Variants in SLC6A15 observed in about 807,000 individuals in gnomAD.
SLC6A15 encodes solute carrier family 6 member 15.
In SLC6A15, 33 loss-of-function variants were observed where a neutral mutation model predicts 68.5. The observed-to-expected ratio is 0.48, with a 90% confidence interval of 0.37 to 0.64. SLC6A15 has a LOEUF of 0.64. Ranked by LOEUF, SLC6A15 falls within the 30% of genes least tolerant of loss-of-function variation. The pLI is 0.00. For synonymous variants in SLC6A15, 347 were observed against 301.0 expected, an observed-to-expected ratio of 1.15 and a Z score of -1.58; for missense variants, 747 against 874.3, an observed-to-expected ratio of 0.85 and a Z score of 1.84.
chr12:84,861,565 TCTC>T lies in SLC6A15; in HGVS notation c.*64_*66del. On this transcript the variant is annotated 3_prime_UTR_variant, in exon 12 of 12. Coordinates refer to ENST00000266682, the MANE Select transcript of SLC6A15 (RefSeq NM_182767.6). The stretch of plus-strand genomic sequence containing the variant: ...CCTCTGATAAGTGAAGCCTAATGCT[TCTC>T]CTACTAGGGCCAATGTTCATTGGTA... 6.6e-7 allele frequency: 1 copy of T among 1,517,232 alleles called. No homozygotes were observed. Among genetic ancestry groups the T allele is most frequent in the Non-Finnish European group, 8.9e-7 (1 of 1,129,658 alleles). The allele number at this position is 1,517,232 out of a possible 1,614,324, so 94.0% of individuals were successfully genotyped here. A position where few individuals can be genotyped will look rare whatever the true frequency, so the allele number is the denominator to read the frequency against.
intron 11 of SLC6A15, 57 bp downstream of exon 11, chr12:84,863,382 T>C (rs1318124122): frequency 4.3e-6 from 6 of 1,388,432 alleles, no homozygotes; most frequent in Non-Finnish European, 4.8e-6. Context: ...GAAAAAGCCC[T>C]CTAAAAAAGC....
At chr12:84,882,665 CA>C (rs1054721768) in intron 5 of SLC6A15, 7 of 186,010 alleles carry the variant, frequency 3.8e-5, no homozygotes, top group African/African-American at 1.7e-4. Context: ...CATTTGACTC[CA>C]AATACTAGAA....
At chr12:84,872,390 T>G (rs560718747) in intron 8 of SLC6A15, among the ~76,000 whole-genome samples, 22 of 152,244 alleles carry the variant, frequency 1.4e-4, no homozygotes, top group African/African-American at 5.1e-4. Context: ...AATAACTTTT[T>G]AAAATAAAGC....
chr12:84,906,221 G>A (rs1242827674), intron 1 of SLC6A15, among the ~76,000 whole-genome samples: 4 of 152,100 alleles, frequency 2.6e-5, no homozygotes, highest in East Asian at 1.9e-4. Flanking sequence ...ATAATTACAC[G>A]AAAATGTAAC....
chr12:84,907,333 G>C (rs961864540), intron 1 of SLC6A15, among the ~76,000 whole-genome samples: 2 of 151,670 alleles, frequency 1.3e-5, no homozygotes, highest in Admixed American at 1.3e-4. Context: ...GGGCCACAGA[G>C]GGAGACTCCG....
rs559476057 is a variant in SLC6A15 at position 84,888,130 on chromosome 12, C to T, written c.290-2062G>A. Among the ~76,000 whole-genome samples the T allele has an allele frequency of 3.2e-4, 48 of 150,426 alleles. No homozygotes were observed. The East Asian group carries it at 6.7e-3, about 21-fold the overall frequency. On this transcript the variant is annotated intron_variant, in intron 2 of 11. Transcript: ENST00000266682. ...AAAAAACAGCTGAGCGTGGGCTGCG[C>T]GCCTGTGGTCCCAGCTACTCGGAAG...
chr12:84,893,907 C>T (rs1018008433), intron 1 of SLC6A15, among the ~76,000 whole-genome samples: 1 of 151,978 alleles, frequency 6.6e-6, no homozygotes, highest in African/African-American at 2.4e-5. Context: ...GATGCATTCC[C>T]AAAATATTTT....
At chr12:84,889,006 C>G (rs1442921912) in intron 2 of SLC6A15, among the ~76,000 whole-genome samples, 1 of 152,170 alleles carries the variant, frequency 6.6e-6, no homozygotes, top group Non-Finnish European at 1.5e-5. Flanking sequence ...TCTCCCTTCT[C>G]CCTTGAAGAT....
intron 1 of SLC6A15, among the ~76,000 whole-genome samples, chr12:84,909,148 T>C (rs1269373964): frequency 6.6e-6 from 1 of 152,174 alleles, no homozygotes; most frequent in African/African-American, 2.4e-5. Flanking sequence ...CAGCAATGCA[T>C]GAGAGTGCCC....
At position 84,870,529 on chromosome 12, in the gene SLC6A15, T is replaced by G; in HGVS notation, c.1444A>C (p.Ile482Leu). 5.0e-6 allele frequency: 8 copies of G among 1,590,494 alleles called. No homozygotes were observed. The highest frequency in any genetic ancestry group is 6.9e-6 in the Non-Finnish European group (8 of 1,167,280). ...LGSMFGTIEGIVTPIVDTFKV... is the reference protein window; with the variant it reads ...LGSMFGTIEGLVTPIVDTFKV... The stretch of plus-strand genomic sequence containing the variant: ...AAAGTGTCCACAATAGGCGTGACAA[T>G]CCCTTCAATGGTTCCAAACATACTG... The change falls in exon 9 of 12, where the codon ATT (isoleucine) becomes CTT (leucine). Residue 482 changes from isoleucine (I) to leucine (L), a missense_variant. Transcript: ENST00000266682.
intron 1 of SLC6A15, among the ~76,000 whole-genome samples, chr12:84,907,699 T>C (rs1873233198): frequency 6.6e-6 from 1 of 152,140 alleles, no homozygotes; most frequent in Non-Finnish European, 1.5e-5. Context: ...GTGTTCTCAT[T>C]TATCCCAGAT....
At chr12:84,886,245 T>C (rs1014870037) in intron 2 of SLC6A15, among the ~76,000 whole-genome samples, 177 bp from the exon 3 acceptor site, 1 of 152,180 alleles carries the variant, frequency 6.6e-6, no homozygotes, top group East Asian at 1.9e-4. Context: ...TTGAATTTGA[T>C]TTCTACAAAG....
At chr12:84,892,796 A>G (rs767585684) in intron 1 of SLC6A15, among the ~76,000 whole-genome samples, 36 of 152,060 alleles carry the variant, frequency 2.4e-4, no homozygotes, top group Middle Eastern at 6.8e-3. Flanking sequence ...AACCTAGTTT[A>G]TTTTATTTTA....
intron 1 of SLC6A15, among the ~76,000 whole-genome samples, chr12:84,905,479 T>C (rs1873099779): frequency 6.6e-6 from 1 of 152,162 alleles, no homozygotes; most frequent in Non-Finnish European, 1.5e-5. Context: ...ATGCTTTTCC[T>C]TCAGGATAAG....
At position 84,873,011 on chromosome 12, in the gene SLC6A15, C is replaced by T. The variant is rs1592595990; in HGVS notation, c.1109+76G>A. On this transcript the variant is annotated intron_variant, in intron 7 of 11. Coordinates refer to ENST00000266682, the MANE Select transcript of SLC6A15 (RefSeq NM_182767.6). ...ACATGTATCTCATAAATATGTATAG[C>T]TATCATGTATCAATAAAAGTATAAA... The T allele has an allele frequency of 3.5e-5, 52 of 1,480,066 alleles. 1 individual carries two copies. The South Asian group carries it at 5.9e-4, about 17-fold the overall frequency. The allele number at this position is 1,480,066 out of a possible 1,614,324, so 91.7% of individuals were successfully genotyped here. A position where few individuals can be genotyped will look rare whatever the true frequency, so the allele number is the denominator to read the frequency against.
At chr12:84,867,307 A>G in intron 9 of SLC6A15, 114 bp from the exon 10 acceptor site, 3 of 835,832 alleles carry the variant, frequency 3.6e-6, no homozygotes, top group Non-Finnish European at 3.5e-6. Context: ...TGTCCATCAT[A>G]TAAACAGGCA....
intron 5 of SLC6A15, among the ~76,000 whole-genome samples, chr12:84,878,464 C>T (rs2120605736): frequency 6.6e-6 from 1 of 152,088 alleles, no homozygotes; most frequent in East Asian, 1.9e-4. Flanking sequence ...AGCATGGATT[C>T]ACTTTTGAAC....
At chr12:84,882,278 C>T (rs1871853746) in intron 5 of SLC6A15, 1 of 985,188 alleles carries the variant, frequency 1.0e-6, no homozygotes, top group Non-Finnish European at 1.2e-6. Context: ...TCCACTCCTT[C>T]ATTTATAATG....
intron 5 of SLC6A15, chr12:84,883,057 G>C (rs764238607): frequency 4.1e-6 from 4 of 984,518 alleles, no homozygotes; most frequent in Non-Finnish European, 4.8e-6. Context: ...AGCACAGCTG[G>C]ACAGTTAAAC....
Sources: allele counts gnomAD v4.1 joint callset (sites outside exome capture counted in the v4.1 genomes callset), GRCh38; gene constraint gnomAD v4.1.1; transcripts MANE v1.5; gene names NCBI Gene and HGNC (gene_info 2026-07-23, HGNC 2026-07-21).